The following HGSNAT variants were observed in gnomAD, a reference collection of about 807,000 sequenced individuals.
The protein encoded by HGSNAT is heparan-alpha-glucosaminide N-acetyltransferase, also known as transmembrane protein 76.
A neutral mutation model predicts 85.2 loss-of-function variants in HGSNAT; 59 were observed. The ratio of observed to expected loss-of-function variants is 0.69; its 90% CI spans 0.56 to 0.86. The LOEUF (loss-of-function observed/expected upper bound fraction) is 0.86, where lower values mean the gene tolerates loss of function less well. Ranked by LOEUF, HGSNAT falls within the 40% of genes least tolerant of loss-of-function variation. The pLI is 0.00. For missense variants in HGSNAT, 756 were observed against 777.1 expected, an observed-to-expected ratio of 0.97 and a Z score of 0.32; for synonymous variants, 321 against 304.5, an observed-to-expected ratio of 1.05 and a Z score of -0.56.
chr8:43,166,568 T>C (rs1803443170), intron 5 of HGSNAT, among the ~76,000 whole-genome samples: 1 of 152,228 alleles, frequency 6.6e-6, no homozygotes, highest in Admixed American at 6.5e-5. Flanking sequence ...TTAAGCCTAC[T>C]GTCGAGACCT....
intron 11 of HGSNAT, among the ~76,000 whole-genome samples, chr8:43,187,625 G>A (rs1586746052): frequency 6.6e-6 from 1 of 152,152 alleles, no homozygotes; most frequent in Admixed American, 6.5e-5. Flanking sequence ...TTTAATTGGA[G>A]CATTTAGCCC....
At chr8:43,172,946 C>T (rs1803679204) in intron 8 of HGSNAT, among the ~76,000 whole-genome samples, 1 of 152,170 alleles carries the variant, frequency 6.6e-6, no homozygotes, top group African/African-American at 2.4e-5. Flanking sequence ...CCAGCCAGGT[C>T]CAGTGCTTGG....
At position 43,192,368 on chromosome 8, in the gene HGSNAT, G is replaced by T. The variant is rs1281250558; in HGVS notation, c.1315G>T (p.Ala439Ser). Residue 439 changes from alanine (A) to serine (S), a missense_variant, in exon 13 of 18, where the codon GCA becomes TCA. By Grantham distance (99) the Ala-to-Ser change is moderately conservative (BLOSUM62 1). Coordinates refer to ENST00000379644, the MANE Select transcript of HGSNAT (RefSeq NM_152419.3). ...GKYPNCTGGAAGYIDRLLLGD... is the reference protein window; with the variant it reads ...GKYPNCTGGASGYIDRLLLGD... ...GTATCCAAATTGCACTGGAGGAGCT[G>T]CAGGCTACATCGACCGCCTGCTGCT... The T allele has an allele frequency of 6.2e-7, 1 of 1,612,844 alleles. No homozygotes were observed. Among genetic ancestry groups the T allele is most frequent in the South Asian group, 1.1e-5 (1 of 90,796 alleles).
At chr8:43,196,627 G>T in intron 14 of HGSNAT, 1 of 905,572 alleles carries the variant, frequency 1.1e-6, no homozygotes, top group Non-Finnish European at 1.6e-6. Flanking sequence ...TGCTTCCCCC[G>T]AGCTCTGTGC....
intron 2 of HGSNAT, among the ~76,000 whole-genome samples, chr8:43,151,839 C>T (rs2130695684): frequency 6.6e-6 from 1 of 152,222 alleles, no homozygotes; most frequent in Non-Finnish European, 1.5e-5. Context: ...TACAACACTC[C>T]AGTAGAGAGA....
At chr8:43,192,457 A>G (rs1804573465) in intron 13 of HGSNAT, 27 bp downstream of exon 13, 1 of 1,579,396 alleles carries the variant, frequency 6.3e-7, no homozygotes, top group Non-Finnish European at 8.6e-7. Context: ...TTCGCTTAGA[A>G]CTGGAACTCA....
At chr8:43,161,327 T>TC (rs1351640200) in intron 4 of HGSNAT, 111 bp from the exon 5 acceptor site, 6 of 790,936 alleles carry the variant, frequency 7.6e-6, no homozygotes, top group African/African-American at 5.2e-5. Flanking sequence ...AGCATGAGAA[T>TC]ATAGGCTTCC....
At chr8:43,149,632 GGAGCTTGCAGT>G (rs970407512) in intron 2 of HGSNAT, among the ~76,000 whole-genome samples, 1 of 151,258 alleles carries the variant, frequency 6.6e-6, no homozygotes, top group Non-Finnish European at 1.5e-5. Flanking sequence ...CCCGGGAGGC[GGAGCTTGCAGT>G]GAGCCGAGAT....
At chr8:43,155,983 G>A (rs892655979) in intron 2 of HGSNAT, among the ~76,000 whole-genome samples, 1 of 152,042 alleles carries the variant, frequency 6.6e-6, no homozygotes, top group Non-Finnish European at 1.5e-5. Flanking sequence ...TGGGATTATA[G>A]ACACCCACTA....
At chr8:43,165,186 G>A (rs1027421461) in intron 5 of HGSNAT, among the ~76,000 whole-genome samples, 12 of 149,274 alleles carry the variant, frequency 8.0e-5, no homozygotes, top group African/African-American at 2.7e-4. Flanking sequence ...TTTGGTAATC[G>A]TTATAATATT....
At chr8:43,161,630 A>T (rs937159489) in intron 5 of HGSNAT, 123 bp downstream of exon 5, 2 of 631,904 alleles carry the variant, frequency 3.2e-6, no homozygotes, top group African/African-American at 3.7e-5. Flanking sequence ...TGTGTCCCCC[A>T]TGTCCATCCA....
chr8:43,149,375 A>G (rs1313227720), intron 2 of HGSNAT, among the ~76,000 whole-genome samples: 1 of 151,780 alleles, frequency 6.6e-6, no homozygotes, highest in African/African-American at 2.4e-5. Flanking sequence ...CTAGACATAA[A>G]CTTTTAAATT....
chr8:43,148,258 A>G (rs1262092249), intron 2 of HGSNAT, among the ~76,000 whole-genome samples: 1 of 151,992 alleles, frequency 6.6e-6, no homozygotes, highest in African/African-American at 2.4e-5. Context: ...AATAAAAAGA[A>G]AAAATTTTTA....
In HGSNAT at chr8:43,197,699, G is replaced by C; in HGVS notation, c.1570G>C (p.Val524Leu). Residue 524 changes from valine (V) to leucine (L), a missense_variant, in exon 16 of 18, where the codon GTT becomes CTT. Physicochemically the swap from Val to Leu is conservative, Grantham distance 32 (BLOSUM62 1). Transcript: ENST00000379644. ...GCTCATTTCTGTTGCTCTGACGAAG[G>C]TTTCTGAAAATGAAGGCTTTATTCC... Reference protein sequence around the residue: ...LGLISVALTKVSENEGFIPVN... With the variant: ...LGLISVALTKLSENEGFIPVN... The C allele has an allele frequency of 1.2e-6, 2 of 1,613,354 alleles. No individual in the cohort carries two copies. The highest frequency in any genetic ancestry group is 1.7e-6 in the Non-Finnish European group (2 of 1,179,338).
chr8:43,191,972 A>G (rs908559568), intron 12 of HGSNAT, among the ~76,000 whole-genome samples: 1 of 151,992 alleles, frequency 6.6e-6, no homozygotes, highest in African/African-American at 2.4e-5. Context: ...TCTGTCGCCC[A>G]GGCAGGAGTG....
At position 43,173,709 on chromosome 8, in the gene HGSNAT, G is replaced by T. The variant is rs2130754740; in HGVS notation, c.821-4G>T. The stretch of plus-strand genomic sequence containing the variant: ...TTTGCTTATGCTTTGTACTTGTTCT[G>T]CAGGGCTGACAGTGGCTGACCTCGT... On this transcript the variant is annotated splice_polypyrimidine_tract_variant and splice_region_variant and intron_variant, in intron 8 of 17. Coordinates refer to ENST00000379644, the MANE Select transcript of HGSNAT (RefSeq NM_152419.3). 1 of 1,612,870 alleles carries T rather than the reference G, an allele frequency of 6.2e-7. No individual in the cohort carries two copies.
At chr8:43,197,471 A>G (rs1322208409) in intron 15 of HGSNAT, 1 of 592,924 alleles carries the variant, frequency 1.7e-6, no homozygotes, top group African/African-American at 1.9e-5. Flanking sequence ...TCAACTCAGT[A>G]GAATGGTGAA....
chr8:43,153,841 C>T (rs781216101), intron 2 of HGSNAT, among the ~76,000 whole-genome samples: 1 of 152,120 alleles, frequency 6.6e-6, no homozygotes, highest in Non-Finnish European at 1.5e-5. Context: ...ACATAATGTC[C>T]ATTAGGCTTA....
At chr8:43,149,915 C>T (rs985753758) in intron 2 of HGSNAT, among the ~76,000 whole-genome samples, 41 of 151,958 alleles carry the variant, frequency 2.7e-4, no homozygotes, top group Non-Finnish European at 4.3e-4. Flanking sequence ...GTTCTGTTTC[C>T]CTCTTTATCT....
Sources: allele counts gnomAD v4.1 joint callset (sites outside exome capture counted in the v4.1 genomes callset), GRCh38; gene constraint gnomAD v4.1.1; transcripts MANE v1.5; gene names NCBI Gene and HGNC (gene_info 2026-07-23, HGNC 2026-07-21).